The following PCDHA9 variants were observed in gnomAD, a reference collection of about 807,000 sequenced individuals.
PCDHA9 encodes the protein protocadherin alpha 9, also known as protocadherin alpha-9.
In PCDHA9, 62 loss-of-function variants were observed where a neutral mutation model predicts 62.0. That is an observed-to-expected ratio of 1.00 (90% CI 0.81 to 1.23). The LOEUF (loss-of-function observed/expected upper bound fraction) is 1.23, where lower values mean the gene tolerates loss of function less well. PCDHA9 is among the 50% of genes most tolerant of loss of function. The probability of loss-of-function intolerance (pLI) is 0.00; values close to 1 mark genes in which losing one functional copy is unlikely to be tolerated. For synonymous variants in PCDHA9, 557 were observed against 567.6 expected (o/e 0.98, Z 0.27); for missense variants, 1,205 against 1,249.8 (o/e 0.96, Z 0.54).
At chr5:140,957,548 T>C (rs1554223015) in intron 1 of PCDHA9, among the ~76,000 whole-genome samples, 1 of 152,154 alleles carries the variant, frequency 6.6e-6, no homozygotes, top group Non-Finnish European at 1.5e-5. Flanking sequence ...GAAAGTATTC[T>C]CTGTGGAAAA....
intron 1 of PCDHA9, among the ~76,000 whole-genome samples, chr5:140,945,772 T>C (rs538344111): frequency 1.3e-5 from 2 of 152,110 alleles, no homozygotes; most frequent in Non-Finnish European, 2.9e-5. Flanking sequence ...GACAATTTGA[T>C]ATCCAGATGC....
intron 1 of PCDHA9, among the ~76,000 whole-genome samples, chr5:140,900,977 C>T (rs1223245503): frequency 2.0e-5 from 3 of 152,112 alleles, no homozygotes; most frequent in South Asian, 2.1e-4. Flanking sequence ...AGTATCTTTT[C>T]CTATACCTGT....
chr5:140,905,980 G>A (rs2072263534), intron 1 of PCDHA9, among the ~76,000 whole-genome samples: 1 of 152,178 alleles, frequency 6.6e-6, no homozygotes, highest in Non-Finnish European at 1.5e-5. Context: ...CAGCATGGGA[G>A]AAAGATGTAG....
rs544074425 is a variant in PCDHA9, at chr5:140,965,070, C to A, written c.2395-13879C>A. Among the ~76,000 whole-genome samples the A allele has an allele frequency of 1.2e-4, 19 of 152,306 alleles. 1 individual carries two copies. In the South Asian group the frequency reaches 3.9e-3, roughly 32 times the overall value. On this transcript the variant is annotated intron_variant, in intron 1 of 3. Coordinates refer to ENST00000532602, the MANE Select transcript of PCDHA9 (RefSeq NM_031857.2). ...GGGAAGCATGCCAAATGTCAGGTCT[C>A]ACTCTGACTTTGTTCCAGTCCATAG... is the stretch of plus-strand genomic sequence containing the variant.
intron 1 of PCDHA9, chr5:140,875,559 C>A (rs1554167755): frequency 6.2e-7 from 1 of 1,614,138 alleles, no homozygotes; most frequent in Admixed American, 1.7e-5. Flanking sequence ...TGGGGAGCGG[C>A]CAGCTCCACT....
intron 1 of PCDHA9, chr5:140,877,329 C>T: frequency 6.2e-7 from 1 of 1,614,012 alleles, no homozygotes; most frequent in South Asian, 1.1e-5. Flanking sequence ...TCGGCGCGCA[C>T]ATCCCGTTCC....
At chr5:140,968,653 C>T (rs1301566656) in intron 1 of PCDHA9, 1 of 1,614,150 alleles carries the variant, frequency 6.2e-7, no homozygotes, top group Non-Finnish European at 8.5e-7. Flanking sequence ...AGACTTCTGA[C>T]CTGGACCTCT....
chr5:140,941,227 C>CTT (rs797022976), intron 1 of PCDHA9, among the ~76,000 whole-genome samples: 1 of 136,000 alleles, frequency 7.4e-6, no homozygotes, highest in African/African-American at 2.8e-5. Context: ...TTCTTTCTTT[C>CTT]TTTCTTTCTT....
intron 1 of PCDHA9, chr5:140,928,140 G>C (rs200493520): frequency 2.5e-5 from 41 of 1,614,036 alleles, no homozygotes; most frequent in Non-Finnish European, 3.2e-5. Context: ...TCCTGATCAC[G>C]GCCTCAGATA....
intron 1 of PCDHA9, chr5:140,877,946 C>T (rs996993086): frequency 3.2e-5 from 43 of 1,349,440 alleles, no homozygotes; most frequent in Non-Finnish European, 4.0e-5. Context: ...TTTAAACTAT[C>T]GAATGTCTCA....
intron 1 of PCDHA9, among the ~76,000 whole-genome samples, chr5:140,901,805 T>G (rs115665679): frequency 0.012 from 1,857 of 152,304 alleles, 44 homozygotes; most frequent in African/African-American, 0.042. Context: ...TGAACATTTT[T>G]ACAATATTGA....
At chr5:140,950,083 T>C (rs1361884165) in intron 1 of PCDHA9, among the ~76,000 whole-genome samples, 1 of 152,002 alleles carries the variant, frequency 6.6e-6, no homozygotes, top group Non-Finnish European at 1.5e-5. Context: ...GCTTATGCTA[T>C]AGTTTTCATT....
chr5:140,849,658 C>T lies in PCDHA9; in HGVS notation c.1163C>T (p.Ser388Phe). ...DADANGQVTC[S>F]LTPHVPFKLV... ...GATGCCAACGGGCAGGTTACCTGCTCCCTGACGCCCCACGTCCCCTTCAAG... is the reference window on the plus strand; with the variant it reads ...GATGCCAACGGGCAGGTTACCTGCTTCCTGACGCCCCACGTCCCCTTCAAG... The change falls in exon 1 of 4, where the codon TCC becomes TTC. Residue 388 changes from serine (S) to phenylalanine (F), a missense_variant. Transcript: ENST00000532602. 1 of 1,598,720 alleles carries T rather than the reference C, an allele frequency of 6.3e-7. No homozygotes were observed. Among genetic ancestry groups the T allele is most frequent in the African/African-American group, 1.3e-5 (1 of 74,468 alleles).
intron 1 of PCDHA9, among the ~76,000 whole-genome samples, chr5:140,920,124 G>A (rs1261931835): frequency 2.6e-5 from 4 of 152,152 alleles, no homozygotes; most frequent in African/African-American, 4.8e-5. Flanking sequence ...AACATCTTGA[G>A]TTTTAATTCT....
At chr5:140,968,086 A>G (rs2096217656) in intron 1 of PCDHA9, 1 of 1,614,058 alleles carries the variant, frequency 6.2e-7, no homozygotes, top group African/African-American at 1.3e-5. Context: ...TCACGGTGAC[A>G]GCCACAGATG....
chr5:140,887,124 T>G (rs1554182893), intron 1 of PCDHA9, among the ~76,000 whole-genome samples: 2 of 151,068 alleles, frequency 1.3e-5, no homozygotes, highest in Admixed American at 6.6e-5. Flanking sequence ...TGAGACGGAG[T>G]CTCACTCTGT....
At chr5:140,881,461 C>T (rs1428843491) in intron 1 of PCDHA9, 1 of 635,408 alleles carries the variant, frequency 1.6e-6, no homozygotes, top group Non-Finnish European at 2.0e-6. Context: ...AACCTTAGAG[C>T]ATTGTTGTGG....
intron 1 of PCDHA9, chr5:140,882,756 G>T: frequency 6.2e-7 from 1 of 1,614,238 alleles, no homozygotes; most frequent in Non-Finnish European, 8.5e-7. Flanking sequence ...GCAGATATTG[G>T]AGTAAACTCG....
At chr5:140,862,800 G>T (rs782261222) in intron 1 of PCDHA9, 1 of 575,550 alleles carries the variant, frequency 1.7e-6, no homozygotes, top group African/African-American at 2.0e-5. Flanking sequence ...AGGAGCTGGA[G>T]CTGCTGCAGT....
Sources: allele counts gnomAD v4.1 joint callset (sites outside exome capture counted in the v4.1 genomes callset), GRCh38; gene constraint gnomAD v4.1.1; transcripts MANE v1.5; gene names NCBI Gene and HGNC (gene_info 2026-07-23, HGNC 2026-07-21).